Variants in TADA1 observed in about 807,000 individuals in gnomAD.
TADA1 encodes the protein transcriptional adapter 1.
In TADA1, 23 loss-of-function variants were observed where a neutral mutation model predicts 39.3. The ratio of observed to expected loss-of-function variants is 0.58; its 90% CI spans 0.42 to 0.83. TADA1 has a LOEUF of 0.83. Ranked by LOEUF, TADA1 falls within the 40% of genes least tolerant of loss-of-function variation. The pLI, the probability that TADA1 is intolerant of heterozygous loss-of-function variation, is 0.00. For missense variants in TADA1, 352 were observed against 408.1 expected (o/e 0.86, Z 1.18); for synonymous variants, 137 against 151.8 (o/e 0.90, Z 0.72).
intron 1 of TADA1, among the ~76,000 whole-genome samples, chr1:166,872,845 T>C (rs1218534304): frequency 6.6e-6 from 1 of 152,202 alleles, no homozygotes; most frequent in Non-Finnish European, 1.5e-5. Context: ...ACTATTCCTT[T>C]ATAGCAACAC....
chr1:166,861,896 T>A (rs12028246), intron 5 of TADA1, among the ~76,000 whole-genome samples: 57,402 of 149,576 alleles, frequency 0.38, 10,959 homozygotes, highest in Middle Eastern at 0.51. Flanking sequence ...CCCTAAAAAA[T>A]TTTTTTTTTT....
At position 166,857,674 on chromosome 1, in the gene TADA1, T is replaced by C; in HGVS notation, c.901A>G (p.Ile301Val). The C allele has an allele frequency of 6.2e-7, 1 of 1,614,216 alleles. No homozygotes were observed. The highest frequency in any genetic ancestry group is 8.5e-7 in the Non-Finnish European group (1 of 1,180,042). ...CAGAGTTTCGTGATGATCCTTTCAATGTTAAGAGCATAGACAGTATGTGTA... is the reference window on the plus strand; with the variant it reads ...CAGAGTTTCGTGATGATCCTTTCAACGTTAAGAGCATAGACAGTATGTGTA... Reference protein sequence around the residue: ...IPTHTVYALNIERIITKLWHP... With the variant: ...IPTHTVYALNVERIITKLWHP... The change falls in exon 8 of 8, where the codon ATT becomes GTT. Residue 301 changes from isoleucine (I) to valine (V), a missense_variant. Physicochemically the swap from Ile to Val is conservative, Grantham distance 29 (BLOSUM62 3). Around this residue, in one of 3 missense-constraint regions of TADA1, gnomAD observed 285 missense variants for 310.9 expected, o/e 0.92. Transcript: ENST00000367874.
intron 1 of TADA1, among the ~76,000 whole-genome samples, chr1:166,872,830 C>T (rs1571243386): frequency 6.6e-6 from 1 of 152,194 alleles, no homozygotes; most frequent in Admixed American, 6.5e-5. Context: ...AATTACCCAG[C>T]CTCAACTATT....
Position 166,862,268 on chromosome 1 carries a change from C to G in TADA1, c.475G>C (p.Ala159Pro). The G allele has an allele frequency of 6.2e-7, 1 of 1,614,124 alleles. No homozygotes were observed. The highest frequency in any genetic ancestry group is 8.5e-7 in the Non-Finnish European group (1 of 1,180,002). The stretch of plus-strand genomic sequence containing the variant: ...ACATTGTCCAGCCCATGCTCATAAG[C>G]AGTCACTATCATTCTCCCTTCAAGC... The part of the protein sequence containing the change: ...GQLEGRMIVT[A>P]YEHGLDNVTE... Residue 159 changes from alanine to proline, a missense_variant, in exon 5 of 8, where the codon GCT becomes CCT. By Grantham distance (27) the Ala-to-Pro change is conservative. Around this residue, in one of 3 missense-constraint regions of TADA1, gnomAD observed 285 missense variants for 310.9 expected, o/e 0.92. Transcript: ENST00000367874.
chr1:166,863,884 T>C lies in TADA1; in HGVS notation c.270A>G (p.Ala90=). The C allele has an allele frequency of 4.3e-6, 7 of 1,611,680 alleles. No individual in the cohort carries two copies. The highest frequency in any genetic ancestry group is 5.9e-6 in the Non-Finnish European group (7 of 1,179,478). Residue 90 remains alanine, a synonymous_variant, in exon 4 of 8, where the codon GCA becomes GCG. Coordinates refer to ENST00000367874, the MANE Select transcript of TADA1 (RefSeq NM_053053.4). ...TTCCCTTGGGTTTTCCAGGTTTTGC[T>C]GCGGAACCCCCTGGCCAAGGCAAAG... ...AGSLPWPGGS[A]AKPGKPKGKK...
chr1:166,860,040 G>T, intron 6 of TADA1, 146 bp downstream of exon 6: 2 of 776,668 alleles, frequency 2.6e-6, no homozygotes, highest in Non-Finnish European at 3.9e-6. Flanking sequence ...TCTCAGGCAA[G>T]TATAGGACTT....
intron 3 of TADA1, among the ~76,000 whole-genome samples, chr1:166,867,307 T>C (rs957186728): frequency 2.0e-5 from 3 of 152,214 alleles, no homozygotes; most frequent in Admixed American, 6.5e-5. Flanking sequence ...ATTCACAATA[T>C]TGGCTTTTCT....
intron 3 of TADA1, among the ~76,000 whole-genome samples, chr1:166,865,656 A>G (rs1173975310): frequency 6.6e-6 from 1 of 151,726 alleles, no homozygotes; most frequent in Admixed American, 6.6e-5. Context: ...TACTAAAAAT[A>G]CAAAAAAAAA....
chr1:166,862,725 G>C, intron 4 of TADA1: 1 of 372,956 alleles, frequency 2.7e-6, no homozygotes, highest in East Asian at 5.8e-5. Flanking sequence ...GAGAAGTATT[G>C]AACTATATTC....
rs774486339 is a variant in TADA1 at position 166,876,168 on chromosome 1, G to A, written c.66C>T (p.Asn22=). 6.2e-7 allele frequency: 1 copy of A among 1,613,508 alleles called. No individual in the cohort carries two copies. Among genetic ancestry groups the A allele is most frequent in the Non-Finnish European group, 8.5e-7 (1 of 1,179,794 alleles). Residue 22 remains asparagine, a synonymous_variant, in exon 1 of 8, where the codon AAC becomes AAT. Transcript: ENST00000367874. The part of the protein sequence containing the change: ...KKNLSEALGD[N]VKQYWANLKL... ...GCTAGGGCAGCTCTTACTGTTTCAC[G>A]TTGTCCCCCAGGGCCTCGCTTAAGT...
intron 3 of TADA1, 46 bp from the exon 4 acceptor site, chr1:166,863,967 G>A: frequency 1.4e-6 from 2 of 1,459,514 alleles, no homozygotes; most frequent in Non-Finnish European, 1.9e-6. Flanking sequence ...AATGACAACT[G>A]ATAACTGCTA....
At position 166,860,233 on chromosome 1, in the gene TADA1, C is replaced by G. The variant is rs747065700; in HGVS notation, c.645G>C (p.Gln215His). The change falls in exon 6 of 8, where the codon CAG becomes CAC. Residue 215 changes from glutamine to histidine, a missense_variant. Transcript: ENST00000367874. ...KYAFGSNVTP[Q>H]PYLKNSVVAY... ...CTACTACACTATTCTTCAGGTATGG[C>G]TGCGGGGTCACGTTACTGCCAAAGG... 6.2e-7 allele frequency: 1 copy of G among 1,614,026 alleles called. No homozygotes were observed. The highest frequency in any genetic ancestry group is 1.1e-5 in the South Asian group (1 of 91,044).
chr1:166,865,895 T>C (rs1023994056), intron 3 of TADA1, among the ~76,000 whole-genome samples: 2 of 151,644 alleles, frequency 1.3e-5, no homozygotes, highest in Non-Finnish European at 2.9e-5. Context: ...GTTCCTACAA[T>C]TTTGATATTT....
In TADA1 at chr1:166,873,100, G is replaced by A. The variant is rs772225673; in HGVS notation, c.74+3060C>T. Among the ~76,000 whole-genome samples, 12 of 142,718 alleles carry A rather than the reference G, an allele frequency of 8.4e-5. 1 individual carries two copies. Among genetic ancestry groups the A allele is most frequent in the African/African-American group, 2.8e-4 (9 of 32,558 alleles). The allele number at this position is 142,718 out of a possible 152,430, so 93.6% of individuals were successfully genotyped here. A position where few individuals can be genotyped will look rare whatever the true frequency, so the allele number is the denominator to read the frequency against. The stretch of plus-strand genomic sequence containing the variant: ...AGCCTGGCCAACATGGCGAAACCCC[G>A]TCTCTACTAAAAATACAAAAATGAG... On this transcript the variant is annotated intron_variant, in intron 1 of 7. Transcript: ENST00000367874.
intron 1 of TADA1, 70 bp downstream of exon 1, chr1:166,876,090 C>A (rs1237664686): frequency 1.4e-6 from 2 of 1,451,254 alleles, no homozygotes; most frequent in Non-Finnish European, 9.3e-7. Flanking sequence ...GTCTCCGGGG[C>A]GGGCTGGCAG....
chr1:166,865,096 T>TG (rs1658499121), intron 3 of TADA1, among the ~76,000 whole-genome samples: 1 of 150,264 alleles, frequency 6.7e-6, no homozygotes, highest in Non-Finnish European at 1.5e-5. Flanking sequence ...AAAATAAAAA[T>TG]AAAAAAAAAG....
At position 166,876,191 on chromosome 1, in the gene TADA1, A is replaced by T; in HGVS notation, c.43T>A (p.Leu15Ile). ...VSELEAAKKN[L>I]SEALGDNVKQ... Reference sequence around the variant, plus strand: ...ACGTTGTCCCCCAGGGCCTCGCTTAAGTTCTTCTTGGCCGCCTCCAGCTCG... The same window carrying T: ...ACGTTGTCCCCCAGGGCCTCGCTTATGTTCTTCTTGGCCGCCTCCAGCTCG... Residue 15 changes from leucine to isoleucine, a missense_variant, in exon 1 of 8, where the codon TTA becomes ATA. Coordinates refer to ENST00000367874, the MANE Select transcript of TADA1 (RefSeq NM_053053.4). The T allele has an allele frequency of 6.2e-7, 1 of 1,613,766 alleles. No individual in the cohort carries two copies. Among genetic ancestry groups the T allele is most frequent in the Non-Finnish European group, 8.5e-7 (1 of 1,179,888 alleles).
At chr1:166,867,276 T>C (rs1658559229) in intron 3 of TADA1, among the ~76,000 whole-genome samples, 1 of 152,220 alleles carries the variant, frequency 6.6e-6, no homozygotes, top group Admixed American at 6.5e-5. Context: ...CAATTTACAA[T>C]ATGCTTCCCT....
At chr1:166,869,373 T>G in intron 3 of TADA1, 72 bp downstream of exon 3, 1 of 1,266,078 alleles carries the variant, frequency 7.9e-7, no homozygotes, top group Non-Finnish European at 1.1e-6. Flanking sequence ...ACACTAGCTG[T>G]GTCTATTAGA....
Sources: gnomAD v4.1 joint callset for allele counts (sites outside exome capture counted in the v4.1 genomes callset) on GRCh38, gnomAD v4.1.1 for gene constraint, gnomAD v4.1.1 regional missense constraint, MANE v1.5 for transcripts, NCBI Gene and HGNC (gene_info 2026-07-23, HGNC 2026-07-21) for gene names.